The following VPS35L variants were observed in gnomAD, a reference collection of about 807,000 sequenced individuals.
VPS35L encodes the protein VPS35 endosomal protein sorting factor like.
A neutral mutation model predicts 133.0 loss-of-function variants in VPS35L; 83 were observed. The observed-to-expected ratio is 0.62, with a 90% CI of 0.52 to 0.75. VPS35L has a LOEUF of 0.75. Among genes scored for constraint, VPS35L ranks in the 30% least tolerant of loss-of-function variants. VPS35L has a pLI of 0.00. For synonymous variants in VPS35L, 423 were observed against 449.9 expected (o/e 0.94, Z 0.76); for missense variants, 1,083 against 1,206.8 (o/e 0.90, Z 1.52).
chr16:19,634,277 A>C (rs930325918), intron 19 of VPS35L, among the ~76,000 whole-genome samples: 1 of 151,936 alleles, frequency 6.6e-6, no homozygotes, highest in African/African-American at 2.4e-5. Flanking sequence ...TCTCTACAAA[A>C]AATATAAAAA....
intron 23 of VPS35L, 67 bp downstream of exon 23, chr16:19,645,016 C>A: frequency 8.9e-7 from 1 of 1,128,702 alleles, no homozygotes; most frequent in Non-Finnish European, 1.3e-6. Flanking sequence ...CTTATGTTGG[C>A]GAAAGCAGTT....
intron 25 of VPS35L, among the ~76,000 whole-genome samples, 184 bp downstream of exon 25, chr16:19,650,643 G>C (rs1046867756): frequency 6.6e-6 from 1 of 152,160 alleles, no homozygotes; most frequent in African/African-American, 2.4e-5. Flanking sequence ...GTTTTCAAGA[G>C]AAATGGTTAA....
In VPS35L at chr16:19,602,321, C is replaced by T. The variant is rs191317237; in HGVS notation, c.784+598C>T. Among the ~76,000 whole-genome samples the T allele has an allele frequency of 1.1e-4, 16 of 152,160 alleles. No individual in the cohort carries two copies. In the East Asian group the frequency reaches 1.6e-3, roughly 15 times the overall value. On this transcript the variant is annotated intron_variant, in intron 9 of 30. Coordinates refer to ENST00000417362, the MANE Select transcript of VPS35L (RefSeq NM_020314.7). ...TGCCTTTATTCCTCTTTTTAACTTC[C>T]GAGCACTGCTATGAGGAAACGTTCT...
At chr16:19,678,245 T>TGTGG (rs1185204499) in intron 27 of VPS35L, among the ~76,000 whole-genome samples, 2 of 152,148 alleles carry the variant, frequency 1.3e-5, no homozygotes, top group African/African-American at 4.8e-5. Context: ...ATATTGCTGA[T>TGTGG]GTGGTAGGTG....
intron 12 of VPS35L, among the ~76,000 whole-genome samples, chr16:19,612,910 G>A (rs1329181161): frequency 6.6e-6 from 1 of 152,232 alleles, no homozygotes; most frequent in Non-Finnish European, 1.5e-5. Flanking sequence ...AAGATTGGTA[G>A]TAGAGTGCCC....
At chr16:19,630,299 T>C (rs1973405913) in intron 18 of VPS35L, among the ~76,000 whole-genome samples, 1 of 151,936 alleles carries the variant, frequency 6.6e-6, no homozygotes. Flanking sequence ...GCCAGAGTAA[T>C]TTGTTTATTT....
rs139561165 is a variant in VPS35L at position 19,675,026 on chromosome 16, G to A, written c.2361+5727G>A. On this transcript the variant is annotated intron_variant, in intron 27 of 30. Coordinates refer to ENST00000417362, the MANE Select transcript of VPS35L (RefSeq NM_020314.7). ...AGTGCAGTGGCATAATCACACTAGC[G>A]GCATCAACCTTGACCTCCTGGGCTC... Among the ~76,000 whole-genome samples the A allele has an allele frequency of 2.7e-5, 4 of 150,330 alleles. No homozygotes were observed. In the East Asian group the frequency reaches 5.9e-4, roughly 22 times the overall value.
intron 26 of VPS35L, among the ~76,000 whole-genome samples, chr16:19,662,342 T>TA (rs111626049): frequency 0.21 from 31,762 of 147,740 alleles, 3,841 homozygotes; most frequent in Non-Finnish European, 0.28. Flanking sequence ...CCATCTCTAC[T>TA]AAAAAAAAAA....
At chr16:19,588,805 C>G (rs1194969832) in intron 7 of VPS35L, among the ~76,000 whole-genome samples, 2 of 152,172 alleles carry the variant, frequency 1.3e-5, no homozygotes, top group Admixed American at 1.3e-4. Context: ...GAGCCTATAC[C>G]TAAGAGTAGA....
rs186762365 is a variant in VPS35L at position 19,681,476 on chromosome 16, G to A, written c.2362-749G>A. Among the ~76,000 whole-genome samples, 95 of 152,326 alleles carry A rather than the reference G, an allele frequency of 6.2e-4. 1 individual carries two copies. Among genetic ancestry groups the A allele is most frequent in the Non-Finnish European group, 9.0e-4 (61 of 68,020 alleles). ...AAGGGGACCCGCATGGGGTGGGCTA[G>A]CAAGGCCATGGAAGGGGCTGGCCGT... On this transcript the variant is annotated intron_variant, in intron 27 of 30. Coordinates refer to ENST00000417362, the MANE Select transcript of VPS35L (RefSeq NM_020314.7).
rs2151570662 is a variant in VPS35L at position 19,633,124 on chromosome 16, C to A, written c.1587C>A (p.Val529=). 6.2e-7 allele frequency: 1 copy of A among 1,614,208 alleles called. No homozygotes were observed. The highest frequency in any genetic ancestry group is 1.6e-4 in the Middle Eastern group (1 of 6,062). ...AGGTGAATACCGTTTTGGCAGATGTCATCAAGCACATGACTCCAGATCGTG... is the reference window on the plus strand; with the variant it reads ...AGGTGAATACCGTTTTGGCAGATGTAATCAAGCACATGACTCCAGATCGTG... ...KREVNTVLAD[V]IKHMTPDRAF... Residue 529 remains valine (V), a synonymous_variant, in exon 19 of 31, where the codon GTC becomes GTA. Coordinates refer to ENST00000417362, the MANE Select transcript of VPS35L (RefSeq NM_020314.7). The surrounding 1 kb of genome is among the most constrained non-coding windows in gnomAD (Gnocchi z 4.1).
At chr16:19,575,198 T>C in intron 5 of VPS35L, 76 bp downstream of exon 5, 1 of 1,327,322 alleles carries the variant, frequency 7.5e-7, no homozygotes, top group Non-Finnish European at 1.1e-6. Context: ...AGGAAAAAAG[T>C]TTTATGTGAT....
In VPS35L at chr16:19,681,933, C is replaced by T. The variant is rs1975294453; in HGVS notation, c.2362-292C>T. Among the ~76,000 whole-genome samples the T allele has an allele frequency of 1.3e-5, 2 of 152,054 alleles. 1 individual carries two copies. Among genetic ancestry groups the T allele is most frequent in the South Asian group, 4.1e-4 (2 of 4,826 alleles). ...AAAAATAAGAGTGTAATTTTGGAAA[C>T]AGGCCATTAAGCTGACAGGTAACTT... On this transcript the variant is annotated intron_variant, in intron 27 of 30. Transcript: ENST00000417362.
rs1308642493 is a variant in VPS35L, at chr16:19,616,818, AG to A, written c.1224+12del. On this transcript the variant is annotated intron_variant, in intron 14 of 30. Coordinates refer to ENST00000417362, the MANE Select transcript of VPS35L (RefSeq NM_020314.7). ...CTACCATGCCCCCGAGGTAACTGCCAGGTGGCTTCAGTGTGACGCTCACCTC... is the reference window on the plus strand; with the variant it reads ...CTACCATGCCCCCGAGGTAACTGCCAGTGGCTTCAGTGTGACGCTCACCTC... The A allele has an allele frequency of 3.1e-6, 5 of 1,614,060 alleles. No individual in the cohort carries two copies. The Admixed American group carries it at 8.3e-5, about 27-fold the overall frequency.
chr16:19,682,257 T>C lies in VPS35L; in HGVS notation c.2394T>C (p.Val798=). 1 of 1,614,148 alleles carries C rather than the reference T, an allele frequency of 6.2e-7. No homozygotes were observed. Among genetic ancestry groups the C allele is most frequent in the Non-Finnish European group, 8.5e-7 (1 of 1,180,026 alleles). The change falls in exon 28 of 31, where the codon GTT becomes GTC. Residue 798 remains valine, a synonymous_variant. Coordinates refer to ENST00000417362, the MANE Select transcript of VPS35L (RefSeq NM_020314.7). Reference sequence around the variant, plus strand: ...CTGAACATGGGGTCCTGTTTCTTGTTCGAGAGCTTCTCAACGTGATCCAGG... The same window carrying C: ...CTGAACATGGGGTCCTGTTTCTTGTCCGAGAGCTTCTCAACGTGATCCAGG... ...DHPEHGVLFL[V]RELLNVIQDY... is the part of the protein sequence containing the mutation.
At chr16:19,608,892 T>C in intron 10 of VPS35L, 82 bp from the exon 11 acceptor site, 1 of 1,289,218 alleles carries the variant, frequency 7.8e-7, no homozygotes, top group East Asian at 2.3e-5. Context: ...CCCGCCTACT[T>C]CTATTCATGG....
At chr16:19,612,639 G>A (rs1386222970) in intron 12 of VPS35L, among the ~76,000 whole-genome samples, 1 of 152,188 alleles carries the variant, frequency 6.6e-6, no homozygotes, top group East Asian at 1.9e-4. Context: ...TTTGAATAAG[G>A]CCTGATATCG....
In VPS35L at chr16:19,700,956, G is replaced by T; in HGVS notation, c.*480G>T. The stretch of plus-strand genomic sequence containing the variant: ...ACTGTGTTACCTGAACCCCTATGGA[G>T]GATTTATAAAAGGCAGAAATAGCAC... On this transcript the variant is annotated 3_prime_UTR_variant, in exon 31 of 31. Coordinates refer to ENST00000417362, the MANE Select transcript of VPS35L (RefSeq NM_020314.7). 6.5e-6 allele frequency: 1 copy of T among 154,002 alleles called. No individual in the cohort carries two copies. The highest frequency in any genetic ancestry group is 1.4e-5 in the Non-Finnish European group (1 of 69,168). The allele number at this position is 154,002 out of a possible 1,614,324, so 9.5% of individuals were successfully genotyped here.
At chr16:19,666,014 T>A (rs1429038879) in intron 26 of VPS35L, among the ~76,000 whole-genome samples, 5 of 152,176 alleles carry the variant, frequency 3.3e-5, no homozygotes, top group Non-Finnish European at 5.9e-5. Flanking sequence ...TGCCCATTTT[T>A]AAAATCTGAT....
Sources: gnomAD v4.1 joint callset for allele counts (sites outside exome capture counted in the v4.1 genomes callset) on GRCh38, gnomAD v4.1.1 for gene constraint, Gnocchi (gnomAD v3.1) non-coding constraint, MANE v1.5 for transcripts, NCBI Gene and HGNC (gene_info 2026-07-23, HGNC 2026-07-21) for gene names.